MYO1B: variants seen among roughly 807,000 people sequenced by gnomAD.
MYO1B encodes the protein unconventional myosin-Ib.
A neutral mutation model predicts 159.7 loss-of-function variants in MYO1B; 72 were observed. The ratio of observed to expected loss-of-function variants is 0.45; its 90% CI spans 0.37 to 0.55. MYO1B has a LOEUF of 0.55. Ranked by LOEUF, MYO1B falls within the 20% of genes least tolerant of loss-of-function variation. The pLI, the probability that MYO1B is intolerant of heterozygous loss-of-function variation, is 0.00. For synonymous variants in MYO1B, 468 were observed against 473.8 expected, an observed-to-expected ratio of 0.99 and a Z score of 0.16; for missense variants, 1,062 against 1,364.8, an observed-to-expected ratio of 0.78 and a Z score of 3.50.
chr2:191,299,566 G>A (rs1436979990), intron 3 of MYO1B, among the ~76,000 whole-genome samples: 5 of 152,172 alleles, frequency 3.3e-5, no homozygotes, highest in Admixed American at 6.5e-5. Flanking sequence ...GGGAGGAACC[G>A]TCCTCACTTG....
Position 191,350,368 on chromosome 2 carries a change from A to G in MYO1B, c.562+143A>G, listed in dbSNP as rs190309530. 1.6e-3 allele frequency: 878 copies of G among 540,806 alleles called. 12 individuals are homozygous for G. The East Asian group carries it at 0.023, about 14-fold the overall frequency. 33.5% of individuals were successfully genotyped at this position (540,806 alleles called of 1,614,324 possible). On this transcript the variant is annotated intron_variant, in intron 7 of 30. Transcript: ENST00000392318. ...ATTTAGACTTTAAGCTTTGCATTTC[A>G]GATTGTTTTATAATAGAATGTAATT...
chr2:191,282,231 A>AT (rs1463346322), intron 2 of MYO1B, among the ~76,000 whole-genome samples: 1 of 152,228 alleles, frequency 6.6e-6, no homozygotes, highest in Admixed American at 6.5e-5. Context: ...GCAACTTAGA[A>AT]TAACATACGT....
At chr2:191,332,292 T>TTC (rs1691540445) in intron 4 of MYO1B, among the ~76,000 whole-genome samples, 1 of 152,092 alleles carries the variant, frequency 6.6e-6, no homozygotes, top group South Asian at 2.1e-4. Flanking sequence ...GACTCTGAGC[T>TTC]TCTATTAATA....
At chr2:191,325,399 A>C (rs956922471) in intron 3 of MYO1B, among the ~76,000 whole-genome samples, 1 of 152,168 alleles carries the variant, frequency 6.6e-6, no homozygotes, top group African/African-American at 2.4e-5. Flanking sequence ...TGAAATAAGA[A>C]GGTAGAAACA....
rs1175911707 is a variant in MYO1B at position 191,332,701 on chromosome 2, A to G, written c.346+2672A>G. On this transcript the variant is annotated intron_variant, in intron 4 of 30. Transcript: ENST00000392318. ...CATTAAGCAATTTGCCAAAACTTAT[A>G]CAGTGAATAAGTGGCAGAGCTGGGA... is the stretch of plus-strand genomic sequence containing the variant. 6.6e-5 allele frequency among the ~76,000 whole-genome samples: 10 copies of G among 152,350 alleles called. No homozygotes were observed. In the South Asian group the frequency reaches 1.9e-3, roughly 28 times the overall value.
Position 191,387,294 on chromosome 2 carries a change from T to C in MYO1B, c.1625T>C (p.Met542Thr), listed in dbSNP as rs757307932. Reference sequence around the variant, plus strand: ...CTCTATCGAGACCTGTCCCAAGCCATGTGGAAGGCCAGCCATGCCCTCATC... The same window carrying C: ...CTCTATCGAGACCTGTCCCAAGCCACGTGGAAGGCCAGCCATGCCCTCATC... ...DLLYRDLSQA[M>T]WKASHALIKS... Residue 542 changes from methionine to threonine, a missense_variant, in exon 17 of 31, where the codon ATG (methionine) becomes ACG (threonine). Physicochemically the swap from Met to Thr is moderately conservative, Grantham distance 81. Coordinates refer to ENST00000392318, the MANE Select transcript of MYO1B (RefSeq NM_001130158.3). 1.2e-6 allele frequency: 2 copies of C among 1,614,096 alleles called. No homozygotes were observed. The highest frequency in any genetic ancestry group is 1.7e-6 in the Non-Finnish European group (2 of 1,180,046).
At chr2:191,316,955 C>T (rs974264320) in intron 3 of MYO1B, among the ~76,000 whole-genome samples, 2 of 152,122 alleles carry the variant, frequency 1.3e-5, no homozygotes, top group African/African-American at 4.8e-5. Flanking sequence ...GAGTGCCGCA[C>T]CTCTGCAGGT....
At chr2:191,282,870 A>T (rs1272203793) in intron 2 of MYO1B, among the ~76,000 whole-genome samples, 1 of 152,206 alleles carries the variant, frequency 6.6e-6, no homozygotes, top group African/African-American at 2.4e-5. Flanking sequence ...ACTTGGTTGT[A>T]TGTGAGTGGT....
intron 3 of MYO1B, among the ~76,000 whole-genome samples, chr2:191,305,291 T>A (rs546705968): frequency 1.3e-5 from 2 of 152,198 alleles, no homozygotes; most frequent in Non-Finnish European, 2.9e-5. Context: ...GAACAGGGGC[T>A]GACAAAAGCT....
intron 2 of MYO1B, among the ~76,000 whole-genome samples, chr2:191,284,298 A>G (rs772671720): frequency 6.6e-6 from 1 of 152,114 alleles, no homozygotes; most frequent in Non-Finnish European, 1.5e-5. Context: ...TAATAATCCT[A>G]ATTTCTAAAG....
intron 6 of MYO1B, 39 bp downstream of exon 6, chr2:191,346,321 T>G (rs1692562218): frequency 1.4e-6 from 2 of 1,405,012 alleles, no homozygotes; most frequent in Non-Finnish European, 1.9e-6. Context: ...ACACTAATAT[T>G]TAGCTCATGT....
intron 16 of MYO1B, 108 bp downstream of exon 16, chr2:191,386,192 T>C: frequency 1.0e-6 from 1 of 983,454 alleles, no homozygotes; most frequent in South Asian, 1.5e-5. Context: ...GAGGACAAAT[T>C]GAGCTGCTAA....
chr2:191,269,452 A>G (rs888726009), intron 1 of MYO1B, among the ~76,000 whole-genome samples: 2 of 150,704 alleles, frequency 1.3e-5, no homozygotes, highest in Non-Finnish European at 3.0e-5. Flanking sequence ...TGATGCTGCT[A>G]TGAACATGGG....
chr2:191,250,438 C>T (rs1320487701), intron 1 of MYO1B, among the ~76,000 whole-genome samples: 1 of 152,146 alleles, frequency 6.6e-6, no homozygotes, highest in Non-Finnish European at 1.5e-5. Flanking sequence ...GTCCTTGGTA[C>T]CTCCGCCAAC....
chr2:191,266,737 G>A (rs114231730), intron 1 of MYO1B, among the ~76,000 whole-genome samples: 1,959 of 152,234 alleles, frequency 0.013, 12 homozygotes, highest in Middle Eastern at 0.027. Context: ...ATAAACAAAG[G>A]CACTTAGAAA....
intron 13 of MYO1B, among the ~76,000 whole-genome samples, chr2:191,374,728 A>G (rs1305071980): frequency 6.6e-6 from 1 of 152,082 alleles, no homozygotes; most frequent in Non-Finnish European, 1.5e-5. Flanking sequence ...AAATGCATAG[A>G]GGAAAAAAAA....
intron 3 of MYO1B, among the ~76,000 whole-genome samples, chr2:191,318,305 T>G (rs1298329487): frequency 6.6e-6 from 1 of 152,176 alleles, no homozygotes; most frequent in Non-Finnish European, 1.5e-5. Flanking sequence ...CTGTAGCACA[T>G]CAGTGAGAAA....
intron 8 of MYO1B, among the ~76,000 whole-genome samples, chr2:191,361,082 C>G (rs1004141760): frequency 2.6e-5 from 4 of 152,040 alleles, no homozygotes; most frequent in Admixed American, 6.6e-5. Context: ...ATTCTTGTAC[C>G]TCACCAGATA....
At chr2:191,390,546 T>C in intron 18 of MYO1B, 54 bp downstream of exon 18, 1 of 1,540,624 alleles carries the variant, frequency 6.5e-7, no homozygotes, top group South Asian at 1.2e-5. Flanking sequence ...GGTCAAATAA[T>C]ACGGTGTTTT....
Sources: gnomAD v4.1 joint callset for allele counts (sites outside exome capture counted in the v4.1 genomes callset) on GRCh38, gnomAD v4.1.1 for gene constraint, MANE v1.5 for transcripts, NCBI Gene and HGNC (gene_info 2026-07-23, HGNC 2026-07-21) for gene names.